Variants in MIPOL1 observed in about 807,000 individuals in gnomAD.
The protein encoded by MIPOL1 is mirror-image polydactyly gene 1 protein.
MIPOL1 carries 57 observed loss-of-function variants against 60.9 expected under a neutral mutation model. The ratio of observed to expected loss-of-function variants is 0.94; its 90% CI spans 0.76 to 1.17. The LOEUF (loss-of-function observed/expected upper bound fraction) is 1.17. Ranked by LOEUF, MIPOL1 falls within the 50% of genes most tolerant of loss-of-function variation. The pLI is 0.00. For synonymous variants in MIPOL1, 179 were observed against 168.8 expected, an observed-to-expected ratio of 1.06 and a Z score of -0.47; for missense variants, 551 against 511.6, an observed-to-expected ratio of 1.08 and a Z score of -0.74.
intron 11 of MIPOL1, among the ~76,000 whole-genome samples, chr14:37,442,798 C>A (rs1181469748): frequency 6.6e-6 from 1 of 151,856 alleles, no homozygotes; most frequent in East Asian, 1.9e-4. Flanking sequence ...AGAACTTGCA[C>A]TTTGAAAATA....
At chr14:37,455,052 A>ATC (rs777645419) in intron 11 of MIPOL1, among the ~76,000 whole-genome samples, 1 of 152,094 alleles carries the variant, frequency 6.6e-6, no homozygotes, top group Non-Finnish European at 1.5e-5. Flanking sequence ...CAGAAGCCAC[A>ATC]TCTCTCTCTC....
At chr14:37,343,920 T>C (rs1184500996) in intron 9 of MIPOL1, among the ~76,000 whole-genome samples, 1 of 152,140 alleles carries the variant, frequency 6.6e-6, no homozygotes. Context: ...GCTGGTATCA[T>C]GAATCCTTAT....
At position 37,548,410 on chromosome 14, in the gene MIPOL1, T is replaced by A. The variant is rs2095553544; in HGVS notation, c.*1439T>A. ...TAAATCTGTATCCATTAAAGTAACT[T>A]TTTTAACTATGAGAATTAGAAAATA... On this transcript the variant is annotated 3_prime_UTR_variant, in exon 13 of 13. Transcript: ENST00000684589. 6.6e-6 allele frequency: 1 copy of A among 151,996 alleles called. No homozygotes were observed. Among genetic ancestry groups the A allele is most frequent in the Non-Finnish European group, 1.5e-5 (1 of 67,876 alleles). The allele number at this position is 151,996 out of a possible 1,614,324, so 9.4% of individuals were successfully genotyped here. A position where few individuals can be genotyped will look rare whatever the true frequency, so the allele number is the denominator to read the frequency against.
chr14:37,228,326 T>G (rs34934043), intron 1 of MIPOL1, among the ~76,000 whole-genome samples: 2 of 100,980 alleles, frequency 2.0e-5, no homozygotes, highest in African/African-American at 1.9e-4. Context: ...CTTTCTTTTC[T>G]TTTTTTTTTT....
chr14:37,407,016 A>G (rs927772597), intron 10 of MIPOL1, among the ~76,000 whole-genome samples: 1 of 152,202 alleles, frequency 6.6e-6, no homozygotes, highest in Non-Finnish European at 1.5e-5. Flanking sequence ...TTACAAAGAA[A>G]AGATAAAGTC....
intron 7 of MIPOL1, among the ~76,000 whole-genome samples, chr14:37,305,899 C>G (rs907055930): frequency 1.3e-5 from 2 of 151,800 alleles, no homozygotes; most frequent in Admixed American, 6.6e-5. Context: ...TGTGTCAGAC[C>G]TAGCACAGCA....
At chr14:37,227,275 T>C (rs1180721963) in intron 1 of MIPOL1, among the ~76,000 whole-genome samples, 2 of 152,228 alleles carry the variant, frequency 1.3e-5, no homozygotes, top group African/African-American at 4.8e-5. Flanking sequence ...GCTGTTCAAA[T>C]GAAATGGTGC....
chr14:37,326,113 A>G (rs943427737), intron 9 of MIPOL1, among the ~76,000 whole-genome samples: 1 of 152,208 alleles, frequency 6.6e-6, no homozygotes, highest in Non-Finnish European at 1.5e-5. Context: ...CTATGGATAA[A>G]AAAACATTGT....
At chr14:37,289,870 G>T (rs1027441701) in intron 7 of MIPOL1, among the ~76,000 whole-genome samples, 5 of 152,152 alleles carry the variant, frequency 3.3e-5, no homozygotes, top group African/African-American at 9.7e-5. Flanking sequence ...TCTAAGGGCT[G>T]CCAGCTATCA....
At chr14:37,232,870 G>A (rs1970851248) in intron 1 of MIPOL1, among the ~76,000 whole-genome samples, 1 of 152,098 alleles carries the variant, frequency 6.6e-6, no homozygotes, top group African/African-American at 2.4e-5. Context: ...ATGCTGCCAA[G>A]GCAGAAAGAT....
At chr14:37,290,324 C>G (rs969801111) in intron 7 of MIPOL1, among the ~76,000 whole-genome samples, 7 of 152,054 alleles carry the variant, frequency 4.6e-5, no homozygotes, top group Admixed American at 1.3e-4. Flanking sequence ...CTCCCAGGTC[C>G]GAGCTATTTT....
At chr14:37,391,595 C>T (rs1372143732) in intron 10 of MIPOL1, among the ~76,000 whole-genome samples, 3 of 152,010 alleles carry the variant, frequency 2.0e-5, no homozygotes, top group African/African-American at 7.2e-5. Flanking sequence ...GGGGTTTCAG[C>T]ATGTTGGCCA....
chr14:37,243,371 A>G (rs1972651670), intron 1 of MIPOL1, among the ~76,000 whole-genome samples: 1 of 152,152 alleles, frequency 6.6e-6, no homozygotes, highest in Non-Finnish European at 1.5e-5. Context: ...CTTTTGTATA[A>G]TAAGATGAAA....
chr14:37,496,163 A>C (rs2095125024), intron 11 of MIPOL1, among the ~76,000 whole-genome samples: 1 of 151,236 alleles, frequency 6.6e-6, no homozygotes, highest in Admixed American at 6.6e-5. Context: ...AAATAATAAG[A>C]GCTATCTATG....
chr14:37,445,670 C>T (rs1354223192), intron 11 of MIPOL1, among the ~76,000 whole-genome samples: 1 of 151,978 alleles, frequency 6.6e-6, no homozygotes, highest in Non-Finnish European at 1.5e-5. Context: ...TAACTTCAAA[C>T]TATACTACAA....
intron 7 of MIPOL1, among the ~76,000 whole-genome samples, chr14:37,295,329 G>A (rs575849561): frequency 1.8e-4 from 28 of 152,168 alleles, no homozygotes; most frequent in East Asian, 3.9e-4. Flanking sequence ...AGGAACAACC[G>A]GTACCAGCCA....
intron 9 of MIPOL1, among the ~76,000 whole-genome samples, chr14:37,369,010 C>T (rs1056206652): frequency 1.3e-5 from 2 of 151,932 alleles, no homozygotes; most frequent in Non-Finnish European, 2.9e-5. Context: ...TCTTGGCACT[C>T]TTTGGCTATT....
At chr14:37,252,869 C>A (rs1294821226) in intron 3 of MIPOL1, among the ~76,000 whole-genome samples, 1 of 151,766 alleles carries the variant, frequency 6.6e-6, no homozygotes, top group African/African-American at 2.4e-5. Context: ...AATCTCATAT[C>A]ACTTTTATAA....
Position 37,513,941 on chromosome 14 carries a change from GT to G in MIPOL1, c.1262+13807del, listed in dbSNP as rs2095349209. 3.3e-5 allele frequency among the ~76,000 whole-genome samples: 5 copies of G among 152,148 alleles called. No homozygotes were observed. The South Asian group carries it at 1.0e-3, about 32-fold the overall frequency. On this transcript the variant is annotated intron_variant, in intron 12 of 12. Transcript: ENST00000684589. Reference sequence around the variant, plus strand: ...ATACTGTTTCAGTTTAAATACAAGAGTTTTGGCTTTTGGTTTTTATTAATGC... The same window carrying G: ...ATACTGTTTCAGTTTAAATACAAGAGTTTGGCTTTTGGTTTTTATTAATGC...
Sources: gnomAD v4.1 joint callset for allele counts (sites outside exome capture counted in the v4.1 genomes callset) on GRCh38, gnomAD v4.1.1 for gene constraint, MANE v1.5 for transcripts, NCBI Gene and HGNC (gene_info 2026-07-23, HGNC 2026-07-21) for gene names.